The following PTPRN2 variants were observed in gnomAD, a reference collection of about 807,000 sequenced individuals.
PTPRN2 encodes protein tyrosine phosphatase receptor type N2, also known as receptor-type tyrosine-protein phosphatase N2.
Under a neutral mutation model 118.8 loss-of-function variants are expected in PTPRN2, and 74 were observed. The observed-to-expected ratio is 0.62, with a 90% confidence interval of 0.52 to 0.76. The LOEUF (loss-of-function observed/expected upper bound fraction) is 0.76. PTPRN2 is among the 30% of genes least tolerant of loss of function. PTPRN2 has a pLI of 0.00. For missense variants in PTPRN2, 1,481 were observed against 1,394.4 expected, an observed-to-expected ratio of 1.06 and a Z score of -0.99; for synonymous variants, 641 against 608.0, an observed-to-expected ratio of 1.05 and a Z score of -0.80.
At chr7:158,430,151 C>A (rs1429959360) in intron 2 of PTPRN2, among the ~76,000 whole-genome samples, 1 of 152,138 alleles carries the variant, frequency 6.6e-6, no homozygotes, top group African/African-American at 2.4e-5. Context: ...TGTGATCCAC[C>A]TGCCTCGGCC....
At position 157,578,047 on chromosome 7, in the gene PTPRN2, C is replaced by G; in HGVS notation, c.2590G>C (p.Gly864Arg). 11 of 1,613,092 alleles carry G rather than the reference C, an allele frequency of 6.8e-6. No individual in the cohort carries two copies. Among genetic ancestry groups the G allele is most frequent in the Non-Finnish European group, 8.5e-6 (10 of 1,179,304 alleles). ...RQCYHYWPDE[G>R]SNLYHIYEVN... ...TCATAGATGTGGTAGAGATTGGAGCCTTCATCCGGCCAGTAGTGGTAGCAC... is the reference window on the plus strand; with the variant it reads ...TCATAGATGTGGTAGAGATTGGAGCGTTCATCCGGCCAGTAGTGGTAGCAC... Residue 864 changes from glycine to arginine, a missense_variant, in exon 18 of 23, where the codon GGC becomes CGC. By Grantham distance (125) the Gly-to-Arg change is moderately radical. This residue lies in a region of PTPRN2 where 362 missense variants were observed against 384.1 expected (regional missense o/e 0.94). Coordinates refer to ENST00000389418, the MANE Select transcript of PTPRN2 (RefSeq NM_002847.5).
intron 12 of PTPRN2, among the ~76,000 whole-genome samples, chr7:157,846,672 G>C (rs575806594): frequency 6.6e-6 from 1 of 151,990 alleles, no homozygotes; most frequent in South Asian, 2.1e-4. Context: ...TCCATCATGC[G>C]TGCCCGATGT....
At chr7:158,159,225 T>C (rs1159618336) in intron 6 of PTPRN2, among the ~76,000 whole-genome samples, 1 of 152,144 alleles carries the variant, frequency 6.6e-6, no homozygotes, top group Non-Finnish European at 1.5e-5. Flanking sequence ...ATGAGTGAAC[T>C]TGGGAATAAC....
Position 158,420,268 on chromosome 7 carries a change from G to A in PTPRN2, c.163+69467C>T, listed in dbSNP as rs149224401. Reference sequence around the variant, plus strand: ...GAGGAGGAAGAGACTGCCCACCCGCGAAAAGGCCCCTCAGTCTTCAGCCAA... The same window carrying A: ...GAGGAGGAAGAGACTGCCCACCCGCAAAAAGGCCCCTCAGTCTTCAGCCAA... On this transcript the variant is annotated intron_variant, in intron 2 of 22. Transcript: ENST00000389418. Among the ~76,000 whole-genome samples the A allele has an allele frequency of 5.8e-3, 878 of 152,262 alleles. 5 individuals are homozygous for A. Among genetic ancestry groups the A allele is most frequent in the Admixed American group, 0.011 (171 of 15,286 alleles).
chr7:158,362,540 G>A (rs1809072169), intron 2 of PTPRN2, among the ~76,000 whole-genome samples: 1 of 152,236 alleles, frequency 6.6e-6, no homozygotes, highest in African/African-American at 2.4e-5. Context: ...TCTACATTTT[G>A]TTGGGCACAA....
chr7:158,173,016 C>A (rs1823854234), intron 5 of PTPRN2, among the ~76,000 whole-genome samples: 1 of 150,950 alleles, frequency 6.6e-6, no homozygotes, highest in Non-Finnish European at 1.5e-5. Flanking sequence ...ATCATCTTCA[C>A]CATCCATAGC....
intron 6 of PTPRN2, among the ~76,000 whole-genome samples, chr7:158,158,562 C>T (rs1822057895): frequency 6.7e-6 from 1 of 150,182 alleles, no homozygotes; most frequent in African/African-American, 2.5e-5. Flanking sequence ...AATCAGGAGC[C>T]CGTGTGATTG....
At chr7:157,853,591 C>T (rs774518481) in intron 12 of PTPRN2, among the ~76,000 whole-genome samples, 2 of 152,106 alleles carry the variant, frequency 1.3e-5, no homozygotes, top group Non-Finnish European at 1.5e-5. Flanking sequence ...CAGGGCCTGA[C>T]CTTGGAGCAG....
intron 2 of PTPRN2, among the ~76,000 whole-genome samples, chr7:158,415,172 C>G (rs530542171): frequency 1.3e-5 from 2 of 152,342 alleles, no homozygotes; most frequent in East Asian, 3.9e-4. Flanking sequence ...GAAACCACAC[C>G]TCAACTCCCT....
intron 2 of PTPRN2, among the ~76,000 whole-genome samples, chr7:158,326,406 C>T (rs555033873): frequency 9.2e-5 from 14 of 152,322 alleles, no homozygotes; most frequent in East Asian, 1.9e-4. Context: ...GGCCAGGAGA[C>T]GAGACACTGC....
intron 11 of PTPRN2, among the ~76,000 whole-genome samples, chr7:157,928,417 C>T (rs567538087): frequency 1.3e-5 from 2 of 152,134 alleles, no homozygotes; most frequent in East Asian, 3.9e-4. Flanking sequence ...GGGGCTGGGG[C>T]CAAAGAGAAA....
At chr7:158,221,864 A>G (rs150662870) in intron 3 of PTPRN2, among the ~76,000 whole-genome samples, 351 of 152,232 alleles carry the variant, frequency 2.3e-3, no homozygotes, top group African/African-American at 8.0e-3. Flanking sequence ...ATCTGTAAGG[A>G]ACTTAAATTA....
At chr7:158,578,786 A>T (rs1375555684) in intron 1 of PTPRN2, among the ~76,000 whole-genome samples, 1 of 151,544 alleles carries the variant, frequency 6.6e-6, no homozygotes, top group African/African-American at 2.4e-5. Flanking sequence ...TTGTTGAGAC[A>T]GAGTCTCCCT....
intron 2 of PTPRN2, among the ~76,000 whole-genome samples, chr7:158,318,575 C>A (rs144327845): frequency 6.6e-6 from 1 of 152,212 alleles, no homozygotes; most frequent in African/African-American, 2.4e-5. Context: ...GGCCGGCGGC[C>A]TCTTCCGATC....
At chr7:157,571,095 A>G (rs962065387) in intron 20 of PTPRN2, among the ~76,000 whole-genome samples, 1 of 151,964 alleles carries the variant, frequency 6.6e-6, no homozygotes, top group Non-Finnish European at 1.5e-5. Flanking sequence ...AATACAAAAA[A>G]AATTAGCCGG....
At chr7:158,356,783 GA>G (rs1808416760) in intron 2 of PTPRN2, among the ~76,000 whole-genome samples, 1 of 28,034 alleles carries the variant, frequency 3.6e-5, no homozygotes, top group Non-Finnish European at 7.0e-5. Flanking sequence ...AAGGTGAAAA[GA>G]GCTAAAAAAA....
intron 1 of PTPRN2, among the ~76,000 whole-genome samples, chr7:158,522,094 A>G (rs182771867): frequency 4.4e-3 from 181 of 40,986 alleles, no homozygotes; most frequent in Admixed American, 0.013. Flanking sequence ...CTGGCTCAGG[A>G]GGGAGGTCCA....
At chr7:157,578,483 G>T (rs564852119) in intron 17 of PTPRN2, among the ~76,000 whole-genome samples, 2 of 152,280 alleles carry the variant, frequency 1.3e-5, no homozygotes, top group East Asian at 1.9e-4. Flanking sequence ...AGGCGGTGCC[G>T]ACACCCTCAC....
intron 3 of PTPRN2, among the ~76,000 whole-genome samples, chr7:158,256,967 G>C (rs913054714): frequency 2.0e-5 from 3 of 152,164 alleles, no homozygotes; most frequent in Non-Finnish European, 4.4e-5. Context: ...TGCCGTCTGG[G>C]AGCTTGGGTT....
Sources: allele counts gnomAD v4.1 joint callset (sites outside exome capture counted in the v4.1 genomes callset), GRCh38; gene constraint gnomAD v4.1.1; regional missense constraint gnomAD v4.1.1; transcripts MANE v1.5; gene names NCBI Gene and HGNC (gene_info 2026-07-23, HGNC 2026-07-21).